The following SENP3 variants were observed in gnomAD, a reference collection of about 807,000 sequenced individuals.
SENP3 encodes sentrin-specific protease 3.
In SENP3, 11 loss-of-function variants were observed where a neutral mutation model predicts 66.2. The observed-to-expected ratio is 0.17, with a 90% CI of 0.10 to 0.28. SENP3 has a LOEUF of 0.28. SENP3 is among the 10% of genes least tolerant of loss of function. The pLI is 1.00. For synonymous variants in SENP3, 292 were observed against 277.6 expected (o/e 1.05, Z -0.52); for missense variants, 548 against 743.7 (o/e 0.74, Z 3.06).
Position 7,570,979 on chromosome 17 carries a change from G to A in SENP3, c.1614+46G>A. 1 of 1,567,796 alleles carries A rather than the reference G, an allele frequency of 6.4e-7. No individual in the cohort carries two copies. On this transcript the variant is annotated intron_variant, in intron 10 of 10. Coordinates refer to ENST00000321337, the MANE Select transcript of SENP3 (RefSeq NM_015670.6). The surrounding 1 kb of genome is among the most constrained non-coding windows in gnomAD (Gnocchi z 5.4). ...CCTCCCCTAGCTCTGAAGTCAGTTGGGTTAAAGGGTCGGGAGGCTGTTATG... is the reference window on the plus strand; with the variant it reads ...CCTCCCCTAGCTCTGAAGTCAGTTGAGTTAAAGGGTCGGGAGGCTGTTATG...
chr17:7,564,827 C>G lies in SENP3; in HGVS notation c.918C>G (p.His306Gln). The G allele has an allele frequency of 6.2e-7, 1 of 1,612,768 alleles. No homozygotes were observed. Among genetic ancestry groups the G allele is most frequent in the Non-Finnish European group, 8.5e-7 (1 of 1,179,242 alleles). ...GGCCTGGGGAGAAAGCCGGCCAGCA[C>G]AGCCCCCTGCGAGAGGAGCATGTGA... is the stretch of plus-strand genomic sequence containing the variant. ...AERPGEKAGQHSPLREEHVTC... is the reference protein window; with the variant it reads ...AERPGEKAGQQSPLREEHVTC... Residue 306 changes from histidine to glutamine, a missense_variant, in exon 3 of 11, where the codon CAC becomes CAG. By Grantham distance (24) the His-to-Gln change is conservative. Coordinates refer to ENST00000321337, the MANE Select transcript of SENP3 (RefSeq NM_015670.6).
chr17:7,571,189 A>C (rs2071310824), intron 10 of SENP3, among the ~76,000 whole-genome samples, 184 bp from the exon 11 acceptor site: 1 of 152,116 alleles, frequency 6.6e-6, no homozygotes, highest in Admixed American at 6.5e-5. Flanking sequence ...TATTTTCTCC[A>C]TCTAAAACAT....
Position 7,570,905 on chromosome 17 carries a change from A to G in SENP3, c.1586A>G (p.Asp529Gly). 1 of 1,613,646 alleles carries G rather than the reference A, an allele frequency of 6.2e-7. No individual in the cohort carries two copies. The highest frequency in any genetic ancestry group is 8.5e-7 in the Non-Finnish European group (1 of 1,179,758). ...TAGAATGTGGCCAGGCAGAATAATG[A>G]CAGTGACTGTGGTGCTTTTGTGTTG... ...FKMNVARQNN[D>G]SDCGAFVLQY... Residue 529 changes from aspartate to glycine, a missense_variant, in exon 10 of 11, where the codon GAC becomes GGC. This residue lies in a region of SENP3 where 81 missense variants were observed against 139.8 expected (regional missense o/e 0.58). Coordinates refer to ENST00000321337, the MANE Select transcript of SENP3 (RefSeq NM_015670.6). The surrounding 1 kb of genome is among the most constrained non-coding windows in gnomAD (Gnocchi z 5.4).
chr17:7,566,669 TA>T lies in SENP3; in HGVS notation c.1264-243del, dbSNP rs34349099. On this transcript the variant is annotated intron_variant, in intron 6 of 10. Coordinates refer to ENST00000321337, the MANE Select transcript of SENP3 (RefSeq NM_015670.6). Reference sequence around the variant, plus strand: ...CGACAGAGCAAGGCCCTGCCTCAAATAAAAAAAAAAAAAAAGCCTGGTTTGT... The same window carrying T: ...CGACAGAGCAAGGCCCTGCCTCAAATAAAAAAAAAAAAAAGCCTGGTTTGT... Among the ~76,000 whole-genome samples, 950 of 135,796 alleles carry T rather than the reference TA, an allele frequency of 7.0e-3. 8 individuals carry two copies. Among genetic ancestry groups the T allele is most frequent in the African/African-American group, 0.019 (678 of 35,300 alleles). The allele number at this position is 135,796 out of a possible 152,430, so 89.1% of individuals were successfully genotyped here.
At position 7,570,613 on chromosome 17, in the gene SENP3, C is replaced by G. The variant is rs1465238762; in HGVS notation, c.1480-68C>G. ...GACCTGGGCATGGTGTCTGCCAGCA[C>G]TGTACCCACCATACTGTGTTCAATT... On this transcript the variant is annotated intron_variant, in intron 8 of 10. Coordinates refer to ENST00000321337, the MANE Select transcript of SENP3 (RefSeq NM_015670.6). This position sits in a 1 kb window ranked among gnomAD's most constrained non-coding sequence, Gnocchi z 5.4. The G allele has an allele frequency of 1.3e-6, 2 of 1,575,128 alleles. No homozygotes were observed. The highest frequency in any genetic ancestry group is 3.7e-5 in the Admixed American group (2 of 54,152).
Position 7,563,266 on chromosome 17 carries a change from C to A in SENP3, c.190C>A (p.Pro64Thr). The change falls in exon 2 of 11, where the codon CCT becomes ACT. Residue 64 changes from proline (P) to threonine (T), a missense_variant. Pro to Thr is a conservative substitution (Grantham distance 38). This residue lies in a region of SENP3 where 164 missense variants were observed against 167.9 expected (regional missense o/e 0.98). Coordinates refer to ENST00000321337, the MANE Select transcript of SENP3 (RefSeq NM_015670.6). ...GACCACAGTGCCAGCCAGACGCCTCCCTGTCCCCCGACCCTCTTTTGATGC... is the reference window on the plus strand; with the variant it reads ...GACCACAGTGCCAGCCAGACGCCTCACTGTCCCCCGACCCTCTTTTGATGC... ...SGTTVPARRL[P>T]VPRPSFDASA... 1 of 1,554,952 alleles carries A rather than the reference C, an allele frequency of 6.4e-7. No individual in the cohort carries two copies. Among genetic ancestry groups the A allele is most frequent in the Non-Finnish European group, 8.7e-7 (1 of 1,148,902 alleles).
At chr17:7,565,228 T>C in intron 4 of SENP3, 158 bp downstream of exon 4, 1 of 786,704 alleles carries the variant, frequency 1.3e-6, no homozygotes, top group Admixed American at 2.6e-5. Flanking sequence ...TGGAAGCTGA[T>C]GGGAGAGTCT....
intron 6 of SENP3, 111 bp downstream of exon 6, chr17:7,565,875 G>A (rs551740333): frequency 1.1e-6 from 1 of 879,940 alleles, no homozygotes; most frequent in African/African-American, 1.7e-5. Flanking sequence ...CTGTTTCAGG[G>A]AGAGAGGTGG....
chr17:7,571,576 TC>T lies in SENP3; in HGVS notation c.*96del. 1 of 765,860 alleles carries T rather than the reference TC, an allele frequency of 1.3e-6. No individual in the cohort carries two copies. Among genetic ancestry groups the T allele is most frequent in the Non-Finnish European group, 2.2e-6 (1 of 448,778 alleles). 47.4% of individuals were successfully genotyped at this position (765,860 alleles called of 1,614,324 possible). On this transcript the variant is annotated 3_prime_UTR_variant, in exon 11 of 11. Transcript: ENST00000321337. ...CCAGTTCCTTTCCTCTCTTGCCTCTTCCCACTCACTTCCCTTTGGTTTTTCA... is the reference window on the plus strand; with the variant it reads ...CCAGTTCCTTTCCTCTCTTGCCTCTTCCACTCACTTCCCTTTGGTTTTTCA...
chr17:7,566,558 C>T (rs1460601872), intron 6 of SENP3, among the ~76,000 whole-genome samples: 3 of 150,778 alleles, frequency 2.0e-5, no homozygotes, highest in East Asian at 3.9e-4. Context: ...CCCAGCTACT[C>T]GGGAGGCTGA....
At position 7,564,835 on chromosome 17, in the gene SENP3, T is replaced by G. The variant is rs2071255092; in HGVS notation, c.926T>G (p.Leu309Arg). Reference sequence around the variant, plus strand: ...GAGAAAGCCGGCCAGCACAGCCCCCTGCGAGAGGAGCATGTGACCTGCGTA... The same window carrying G: ...GAGAAAGCCGGCCAGCACAGCCCCCGGCGAGAGGAGCATGTGACCTGCGTA... ...PGEKAGQHSPLREEHVTCVQS... is the reference protein window; with the variant it reads ...PGEKAGQHSPRREEHVTCVQS... Residue 309 changes from leucine to arginine, a missense_variant, in exon 3 of 11, where the codon CTG becomes CGG. Physicochemically the swap from Leu to Arg is moderately radical, Grantham distance 102. Transcript: ENST00000321337. The G allele has an allele frequency of 6.2e-7, 1 of 1,612,164 alleles. No homozygotes were observed. Among genetic ancestry groups the G allele is most frequent in the Non-Finnish European group, 8.5e-7 (1 of 1,178,972 alleles).
intron 7 of SENP3, among the ~76,000 whole-genome samples, chr17:7,567,818 C>T (rs778388988): frequency 3.3e-5 from 5 of 151,866 alleles, no homozygotes; most frequent in Admixed American, 2.0e-4. Flanking sequence ...GATTTTATTG[C>T]GTGTATACTG....
intron 6 of SENP3, 125 bp downstream of exon 6, chr17:7,565,889 TGG>T (rs2071263601): frequency 1.3e-6 from 1 of 747,388 alleles, no homozygotes; most frequent in Non-Finnish European, 2.2e-6. Flanking sequence ...GAGGTGGTAG[TGG>T]TAGTGTATTA....
Position 7,563,187 on chromosome 17 carries a change from TC to T in SENP3, c.114del (p.Lys39AsnfsTer92). On this transcript the variant is annotated frameshift_variant, in exon 2 of 11. Transcript: ENST00000321337. LOFTEE classifies it high-confidence loss of function. ...RRERLRWPPP[P>X]KPRLKSGGGF... is the part of the protein sequence containing the mutation. ...GGGAGCGTCTTCGTTGGCCCCCACC[TC>T]CCAAACCCCGACTCAAGTCAGGTGG... 1 of 1,565,670 alleles carries T rather than the reference TC, an allele frequency of 6.4e-7. No homozygotes were observed. The highest frequency in any genetic ancestry group is 8.7e-7 in the Non-Finnish European group (1 of 1,154,848).
intron 4 of SENP3, 91 bp from the exon 5 acceptor site, chr17:7,565,349 C>A: frequency 6.8e-7 from 1 of 1,472,802 alleles, no homozygotes; most frequent in South Asian, 1.2e-5. Flanking sequence ...AAAAGGGAGT[C>A]AGTTAGAATT....
chr17:7,565,530 C>T lies in SENP3; in HGVS notation c.1158C>T (p.His386=), dbSNP rs149029733. The T allele has an allele frequency of 3.4e-5, 55 of 1,613,874 alleles. No individual in the cohort carries two copies. The highest frequency in any genetic ancestry group is 4.4e-5 in the South Asian group (4 of 91,040). ...GCTTCCGAGTGGCTTATAAGCGGCA[C>T]GTGCTGACCATGGATGACTTGGGGA... ...VRGFRVAYKR[H]VLTMDDLGTL... Residue 386 remains histidine, a synonymous_variant, in exon 5 of 11, where the codon CAC becomes CAT. Transcript: ENST00000321337.
intron 6 of SENP3, 119 bp from the exon 7 acceptor site, chr17:7,566,808 A>G (rs1157787117): frequency 1.3e-5 from 7 of 522,742 alleles, no homozygotes; most frequent in East Asian, 8.2e-5. Context: ...TGTCTCTACC[A>G]AAAAAAAAAG....
intron 6 of SENP3, among the ~76,000 whole-genome samples, chr17:7,566,428 G>C (rs2071269128): frequency 6.6e-6 from 1 of 152,094 alleles, no homozygotes; most frequent in African/African-American, 2.4e-5. Flanking sequence ...GGCCAAGGCG[G>C]GTGGATCACC....
In SENP3 at chr17:7,563,755, A is replaced by C; in HGVS notation, c.679A>C (p.Arg227=). Residue 227 remains arginine (R), a synonymous_variant, in exon 2 of 11, where the codon AGG becomes CGG. Transcript: ENST00000321337. ...SGPPMEEDGL[R]WTPKSPLDPD... ...GCCCCCCATGGAGGAAGATGGACTC[A>C]GGTGGACTCCAAAGTCTCCTCTGGA... The C allele has an allele frequency of 6.9e-7, 1 of 1,458,384 alleles. No homozygotes were observed. The highest frequency in any genetic ancestry group is 9.2e-7 in the Non-Finnish European group (1 of 1,081,292). The allele number at this position is 1,458,384 out of a possible 1,614,324, so 90.3% of individuals were successfully genotyped here. A position where few individuals can be genotyped will look rare whatever the true frequency, so the allele number is the denominator to read the frequency against.
Sources: gnomAD v4.1 joint callset for allele counts (sites outside exome capture counted in the v4.1 genomes callset) on GRCh38, gnomAD v4.1.1 for gene constraint, gnomAD v4.1.1 regional missense constraint, Gnocchi (gnomAD v3.1) non-coding constraint, MANE v1.5 for transcripts, NCBI Gene and HGNC (gene_info 2026-07-23, HGNC 2026-07-21) for gene names.